Variants in PRKN observed in about 807,000 individuals in gnomAD.
The protein encoded by PRKN is E3 ubiquitin-protein ligase parkin.
PRKN carries 56 observed loss-of-function variants against 59.5 expected under a neutral mutation model. The observed-to-expected ratio is 0.94, with a 90% CI of 0.76 to 1.18. The LOEUF (loss-of-function observed/expected upper bound fraction) is 1.18. Ranked by LOEUF, PRKN falls within the 50% of genes most tolerant of loss-of-function variation. PRKN has a pLI of 0.00. For missense variants in PRKN, 657 were observed against 596.4 expected, an observed-to-expected ratio of 1.10 and a Z score of -1.06; for synonymous variants, 250 against 222.1, an observed-to-expected ratio of 1.13 and a Z score of -1.12.
intron 3 of PRKN, among the ~76,000 whole-genome samples, chr6:162,234,691 TA>T (rs1778571995): frequency 1.3e-5 from 2 of 152,236 alleles, no homozygotes; most frequent in Non-Finnish European, 2.9e-5. Flanking sequence ...TATTTATTGT[TA>T]TTTTTTACTG....
intron 4 of PRKN, among the ~76,000 whole-genome samples, chr6:162,169,002 T>A (rs1317545699): frequency 6.6e-6 from 1 of 152,160 alleles, no homozygotes; most frequent in Non-Finnish European, 1.5e-5. Flanking sequence ...ATTCCTAAAT[T>A]TTATATCCTG....
intron 2 of PRKN, among the ~76,000 whole-genome samples, chr6:162,326,036 A>C (rs566029375): frequency 6.6e-6 from 1 of 152,142 alleles, no homozygotes; most frequent in East Asian, 1.9e-4. Context: ...AAGGAGTCCA[A>C]ATTCCTTTAC....
At chr6:162,625,975 G>C (rs1000692515) in intron 1 of PRKN, among the ~76,000 whole-genome samples, 6 of 152,170 alleles carry the variant, frequency 3.9e-5, no homozygotes, top group Non-Finnish European at 7.3e-5. Context: ...GGCAGACCTT[G>C]ACTTACGCTA....
At chr6:162,382,573 A>G (rs1050144116) in intron 2 of PRKN, among the ~76,000 whole-genome samples, 3 of 152,244 alleles carry the variant, frequency 2.0e-5, no homozygotes, top group African/African-American at 4.8e-5. Flanking sequence ...CGAGCCTTCA[A>G]CAACTGTAAT....
rs182032744 is a variant in PRKN, at chr6:162,032,379, T to G, written c.618+21712A>C. Among the ~76,000 whole-genome samples, 75 of 152,282 alleles carry G rather than the reference T, an allele frequency of 4.9e-4. No individual in the cohort carries two copies. The East Asian group carries it at 0.014, about 28-fold the overall frequency. The stretch of plus-strand genomic sequence containing the variant: ...TAAAAACCATACCTATTTTGTTCTG[T>G]AGAAAAGGAATTCTAAGGCAGAGAT... On this transcript the variant is annotated intron_variant, in intron 5 of 11. Transcript: ENST00000366898.
At chr6:162,085,814 T>G (rs1779224094) in intron 4 of PRKN, among the ~76,000 whole-genome samples, 1 of 151,752 alleles carries the variant, frequency 6.6e-6, no homozygotes, top group South Asian at 2.1e-4. Context: ...AAAACACTTT[T>G]ATGACAGAAA....
At chr6:161,788,317 C>T (rs1790504817) in intron 6 of PRKN, among the ~76,000 whole-genome samples, 1 of 152,176 alleles carries the variant, frequency 6.6e-6, no homozygotes, top group African/African-American at 2.4e-5. Flanking sequence ...CAACCCTGTG[C>T]AGTGACAGGA....
chr6:162,063,185 TG>T (rs1353467882), intron 4 of PRKN, among the ~76,000 whole-genome samples: 1 of 152,100 alleles, frequency 6.6e-6, no homozygotes, highest in African/African-American at 2.4e-5. Context: ...GCCACAGACT[TG>T]GGAAAATATT....
chr6:162,433,290 A>C (rs555235654), intron 2 of PRKN, among the ~76,000 whole-genome samples: 14 of 152,316 alleles, frequency 9.2e-5, no homozygotes, highest in Non-Finnish European at 2.1e-4. Context: ...CAGAAAAATA[A>C]AGACTGGAGA....
At chr6:162,025,038 C>T (rs1303055894) in intron 5 of PRKN, among the ~76,000 whole-genome samples, 3 of 129,080 alleles carry the variant, frequency 2.3e-5, no homozygotes, top group East Asian at 2.3e-4. Context: ...TTTTTTGAGA[C>T]GGAGTCTCGC....
At chr6:161,643,402 G>A (rs1370435467) in intron 7 of PRKN, among the ~76,000 whole-genome samples, 1 of 152,048 alleles carries the variant, frequency 6.6e-6, no homozygotes, top group Admixed American at 6.5e-5. Context: ...GAAGGATGTT[G>A]GTTAACTTGT....
At chr6:162,512,970 T>C (rs1259393105) in intron 1 of PRKN, among the ~76,000 whole-genome samples, 1 of 152,142 alleles carries the variant, frequency 6.6e-6, no homozygotes, top group African/African-American at 2.4e-5. Context: ...TTCCAGTCTG[T>C]TAGGGCTGGC....
chr6:162,351,930 C>T (rs1430451740), intron 2 of PRKN, among the ~76,000 whole-genome samples: 1 of 152,004 alleles, frequency 6.6e-6, no homozygotes, highest in Admixed American at 6.6e-5. Context: ...AGTTTTCCTA[C>T]CACCTTTGAG....
chr6:162,716,751 C>A (rs1046116897), intron 1 of PRKN, among the ~76,000 whole-genome samples: 2 of 150,556 alleles, frequency 1.3e-5, no homozygotes, highest in East Asian at 3.9e-4. Context: ...ATACACCCTA[C>A]CCGCCTGCGC....
At chr6:162,181,923 C>CA (rs1783819399) in intron 4 of PRKN, among the ~76,000 whole-genome samples, 1 of 152,106 alleles carries the variant, frequency 6.6e-6, no homozygotes, top group African/African-American at 2.4e-5. Flanking sequence ...GTTACCTTAT[C>CA]AAAAACAGGA....
At chr6:161,938,758 T>C (rs747032902) in intron 6 of PRKN, among the ~76,000 whole-genome samples, 20 of 152,216 alleles carry the variant, frequency 1.3e-4, no homozygotes, top group Non-Finnish European at 2.5e-4. Context: ...ATGCAAATTA[T>C]TTGTGTCTGT....
rs1790243032 is a variant in PRKN, at chr6:161,461,939, G to T, written c.1084-75062C>A. On this transcript the variant is annotated intron_variant, in intron 9 of 11. Transcript: ENST00000366898. This position sits in a 1 kb window ranked among gnomAD's most constrained non-coding sequence, Gnocchi z 5.1. ...TGGCTTGAAGAGAGGACCAAGGATG[G>T]TCACCTTGAAAATAACAGCGGTTAA... 6.6e-6 allele frequency among the ~76,000 whole-genome samples: 1 copy of T among 152,106 alleles called. No individual in the cohort carries two copies. The highest frequency in any genetic ancestry group is 1.5e-5 in the Non-Finnish European group (1 of 68,016).
At chr6:162,515,429 T>C (rs1777807136) in intron 1 of PRKN, among the ~76,000 whole-genome samples, 1 of 86,522 alleles carries the variant, frequency 1.2e-5, no homozygotes, top group African/African-American at 3.0e-5. Context: ...CAAATTATAT[T>C]AGTAAGTATT....
intron 1 of PRKN, among the ~76,000 whole-genome samples, chr6:162,696,050 G>A (rs1470680542): frequency 2.0e-5 from 3 of 152,036 alleles, no homozygotes; most frequent in African/African-American, 7.2e-5. Flanking sequence ...CTGGAACATG[G>A]TACTCAGCAA....
Sources: allele counts gnomAD v4.1 joint callset (sites outside exome capture counted in the v4.1 genomes callset), GRCh38; gene constraint gnomAD v4.1.1; non-coding constraint Gnocchi (gnomAD v3.1); transcripts MANE v1.5; gene names NCBI Gene and HGNC (gene_info 2026-07-23, HGNC 2026-07-21).